The following ZC3H4 variants were observed in gnomAD, a reference collection of about 807,000 sequenced individuals.
The protein encoded by ZC3H4 is zinc finger CCCH-type containing 4.
In ZC3H4, 13 loss-of-function variants were observed where a neutral mutation model predicts 108.3. That is an observed-to-expected ratio of 0.12 (90% CI 0.08 to 0.19). The LOEUF (loss-of-function observed/expected upper bound fraction) is 0.19, where lower values mean the gene tolerates loss of function less well. Ranked by LOEUF, ZC3H4 falls within the 10% of genes least tolerant of loss-of-function variation. The pLI, the probability that ZC3H4 is intolerant of heterozygous loss-of-function variation, is 1.00. For synonymous variants in ZC3H4, 917 were observed against 749.6 expected, an observed-to-expected ratio of 1.22 and a Z score of -3.65; for missense variants, 1,734 against 1,838.8, an observed-to-expected ratio of 0.94 and a Z score of 1.04.
chr19:47,084,287 C>T (rs2057575467), intron 9 of ZC3H4, 58 bp downstream of exon 9: 1 of 1,536,734 alleles, frequency 6.5e-7, no homozygotes, highest in Non-Finnish European at 9.0e-7. Context: ...TTCTGGAAGC[C>T]ATGTGTCCTC....
At position 47,112,593 on chromosome 19, in the gene ZC3H4, T is replaced by C. The variant is rs1244050663; in HGVS notation, c.-5-4A>G. On this transcript the variant is annotated splice_region_variant and splice_polypyrimidine_tract_variant and intron_variant, in intron 1 of 14. Transcript: ENST00000253048. Reference sequence around the variant, plus strand: ...CCGGGCGCGGCCTCCATAGTTCCTTTGGGGGGGAGGGGATGTTAATGCACG... The same window carrying C: ...CCGGGCGCGGCCTCCATAGTTCCTTCGGGGGGGAGGGGATGTTAATGCACG... The C allele has an allele frequency of 3.4e-6, 4 of 1,162,344 alleles. No individual in the cohort carries two copies. The highest frequency in any genetic ancestry group is 4.3e-6 in the Non-Finnish European group (4 of 934,818). 72.0% of individuals were successfully genotyped at this position (1,162,344 alleles called of 1,614,324 possible). A position where few individuals can be genotyped will look rare whatever the true frequency, so the allele number is the denominator to read the frequency against.
In ZC3H4 at chr19:47,067,597, G is replaced by A. The variant is rs774989730; in HGVS notation, c.2671C>T (p.Arg891Trp). 14 of 1,605,862 alleles carry A rather than the reference G, an allele frequency of 8.7e-6. No individual in the cohort carries two copies. Among genetic ancestry groups the A allele is most frequent in the South Asian group, 3.3e-5 (3 of 90,426 alleles). The change falls in exon 15 of 15, where the codon CGG becomes TGG. Residue 891 changes from arginine to tryptophan, a missense_variant. Arg to Trp is a moderately radical substitution (Grantham distance 101). This residue lies in a region of ZC3H4 where 540 missense variants were observed against 484.1 expected (regional missense o/e 1.12). Transcript: ENST00000253048. The surrounding 1 kb of genome is among the most constrained non-coding windows in gnomAD (Gnocchi z 6.4). ...GPGDSGPSDP[R>W]LARALPTSKP... ...GAGGTGGGCAGGGCGCGAGCCAGCC[G>A]AGGATCGGAGGGTCCCGAATCACCT...
intron 11 of ZC3H4, among the ~76,000 whole-genome samples, chr19:47,079,536 C>T (rs74787728): frequency 0.027 from 4,030 of 151,934 alleles, 150 homozygotes; most frequent in African/African-American, 0.083. Context: ...CCCAAGGAGC[C>T]GTGAGGCCTG....
rs375961528 is a variant in ZC3H4, at chr19:47,084,328, C to A, written c.1218+17G>T. 6.2e-7 allele frequency: 1 copy of A among 1,613,524 alleles called. No homozygotes were observed. The highest frequency in any genetic ancestry group is 1.3e-5 in the African/African-American group (1 of 74,928). ...GCTATGGCCTCCTAGAGGTGCCCAG[C>A]TTTCAGCGCTCCTTACCCAGGTGCA... On this transcript the variant is annotated intron_variant, in intron 9 of 14. Transcript: ENST00000253048.
Position 47,072,528 on chromosome 19 carries a change from C to CG in ZC3H4, c.1625dup (p.Pro543AlafsTer21). 1 of 167,812 alleles carries CG rather than the reference C, an allele frequency of 6.0e-6. No individual in the cohort carries two copies. 10.4% of individuals were successfully genotyped at this position (167,812 alleles called of 1,614,324 possible). A position where few individuals can be genotyped will look rare whatever the true frequency, so the allele number is the denominator to read the frequency against. Reference sequence around the variant, plus strand: ...GTGGGGGAGGGGGAGGGGGCGGGGGCGGGGGGCCACCCTGCATGGGCCTGC... The same window carrying CG: ...GTGGGGGAGGGGGAGGGGGCGGGGGCGGGGGGGCCACCCTGCATGGGCCTGC... On this transcript the variant is annotated frameshift_variant, in exon 12 of 15. Coordinates refer to ENST00000253048, the MANE Select transcript of ZC3H4 (RefSeq NM_015168.2). LOFTEE classifies it high-confidence loss of function. The surrounding 1 kb of genome is among the most constrained non-coding windows in gnomAD (Gnocchi z 5.6).
chr19:47,078,842 G>A (rs2057468526), intron 11 of ZC3H4, among the ~76,000 whole-genome samples: 1 of 152,038 alleles, frequency 6.6e-6, no homozygotes, highest in South Asian at 2.1e-4. Flanking sequence ...CTGGGCGAAA[G>A]AGTGAAACTC....
At position 47,093,117 on chromosome 19, in the gene ZC3H4, G is replaced by T. The variant is rs761536996; in HGVS notation, c.492+853C>A. 2.7e-4 allele frequency among the ~76,000 whole-genome samples: 40 copies of T among 147,562 alleles called. 2 individuals carry two copies. Among genetic ancestry groups the T allele is most frequent in the Admixed American group, 2.2e-3 (31 of 14,414 alleles). On this transcript the variant is annotated intron_variant, in intron 4 of 14. Coordinates refer to ENST00000253048, the MANE Select transcript of ZC3H4 (RefSeq NM_015168.2). ...TGTAGTCCCAGCTACTCAGGATGCT[G>T]AAGCAGAAGAATGGTGCGACCCCAG...
chr19:47,099,985 T>G (rs2057881299), intron 2 of ZC3H4, among the ~76,000 whole-genome samples: 1 of 152,150 alleles, frequency 6.6e-6, no homozygotes. Flanking sequence ...CTCAACAAAT[T>G]GCCTGGGTAG....
intron 5 of ZC3H4, among the ~76,000 whole-genome samples, chr19:47,089,204 C>CAAAA (rs888647856): frequency 3.7e-3 from 97 of 26,500 alleles, no homozygotes; most frequent in Non-Finnish European, 5.5e-3. Flanking sequence ...GACTCCGTCT[C>CAAAA]AAAAAAAAAA....
intron 2 of ZC3H4, among the ~76,000 whole-genome samples, chr19:47,111,768 C>G (rs1237079348): frequency 6.6e-6 from 1 of 151,618 alleles, no homozygotes; most frequent in African/African-American, 2.4e-5. Context: ...ATAGAGCACC[C>G]ACCCAAATGA....
intron 2 of ZC3H4, among the ~76,000 whole-genome samples, chr19:47,107,105 C>A (rs1483267182): frequency 6.6e-6 from 1 of 152,196 alleles, no homozygotes; most frequent in African/African-American, 2.4e-5. Context: ...TAAAAAGACA[C>A]TGAGCAAGCA....
At chr19:47,101,964 G>A (rs937195267) in intron 2 of ZC3H4, among the ~76,000 whole-genome samples, 1 of 152,156 alleles carries the variant, frequency 6.6e-6, no homozygotes, top group African/African-American at 2.4e-5. Context: ...AACCCATGAG[G>A]TGGAGGTTGC....
At chr19:47,099,310 T>G (rs1414421352) in intron 2 of ZC3H4, among the ~76,000 whole-genome samples, 1 of 151,744 alleles carries the variant, frequency 6.6e-6, no homozygotes, top group African/African-American at 2.4e-5. Context: ...AAATACAAAA[T>G]TAGTCGGGCT....
intron 9 of ZC3H4, among the ~76,000 whole-genome samples, chr19:47,083,031 A>G (rs954334956): frequency 1.3e-5 from 2 of 152,116 alleles, no homozygotes; most frequent in East Asian, 1.9e-4. Context: ...ACGAATGCCT[A>G]TTCATTTGTC....
At chr19:47,109,208 T>G (rs2123111531) in intron 2 of ZC3H4, among the ~76,000 whole-genome samples, 1 of 152,298 alleles carries the variant, frequency 6.6e-6, no homozygotes, top group South Asian at 2.1e-4. Flanking sequence ...AAATACAGTT[T>G]TTGACTTAAT....
intron 5 of ZC3H4, among the ~76,000 whole-genome samples, chr19:47,088,813 C>T (rs978618315): frequency 2.6e-5 from 4 of 152,142 alleles, no homozygotes; most frequent in Admixed American, 6.5e-5. Context: ...AAAATATAAA[C>T]GACATGGTGG....
At position 47,072,323 on chromosome 19, in the gene ZC3H4, T is replaced by C; in HGVS notation, c.1802+29A>G. 1 of 1,605,260 alleles carries C rather than the reference T, an allele frequency of 6.2e-7. No individual in the cohort carries two copies. The highest frequency in any genetic ancestry group is 8.5e-7 in the Non-Finnish European group (1 of 1,175,480). ...TGGCTGGGCCCAGGACAGCGCCCAC[T>C]GCCTGTCACGGGGGTCCAGGGCACT... On this transcript the variant is annotated intron_variant, in intron 12 of 14. Coordinates refer to ENST00000253048, the MANE Select transcript of ZC3H4 (RefSeq NM_015168.2). The surrounding 1 kb of genome is among the most constrained non-coding windows in gnomAD (Gnocchi z 5.6).
At chr19:47,105,673 CAT>C in intron 2 of ZC3H4, among the ~76,000 whole-genome samples, 1 of 152,320 alleles carries the variant, frequency 6.6e-6, no homozygotes, top group African/African-American at 2.4e-5. Flanking sequence ...GCCCGAGAAT[CAT>C]AGTTTGCCGA....
At chr19:47,102,179 A>T (rs1192121190) in intron 2 of ZC3H4, among the ~76,000 whole-genome samples, 4 of 152,256 alleles carry the variant, frequency 2.6e-5, no homozygotes, top group Non-Finnish European at 5.9e-5. Context: ...CTCCTCACCA[A>T]GGCCTAAACA....
Sources: gnomAD v4.1 joint callset for allele counts (sites outside exome capture counted in the v4.1 genomes callset) on GRCh38, gnomAD v4.1.1 for gene constraint, gnomAD v4.1.1 regional missense constraint, Gnocchi (gnomAD v3.1) non-coding constraint, MANE v1.5 for transcripts, NCBI Gene and HGNC (gene_info 2026-07-23, HGNC 2026-07-21) for gene names.